Variants in FBXO28 observed in about 807,000 individuals in gnomAD.
FBXO28 encodes F-box only protein 28.
FBXO28 carries 8 observed loss-of-function variants against 38.1 expected under a neutral mutation model. The ratio of observed to expected loss-of-function variants is 0.21; its 90% CI spans 0.12 to 0.38. FBXO28 has a LOEUF of 0.38. Ranked by LOEUF, FBXO28 falls within the 10% of genes least tolerant of loss-of-function variation. The probability of loss-of-function intolerance (pLI) is 1.00; values close to 1 mark genes in which losing one functional copy is unlikely to be tolerated. For synonymous variants in FBXO28, 168 were observed against 173.8 expected (o/e 0.97, Z 0.26); for missense variants, 345 against 460.6 (o/e 0.75, Z 2.30).
intron 1 of FBXO28, among the ~76,000 whole-genome samples, chr1:224,123,091 G>C (rs1290064995): frequency 6.6e-6 from 1 of 151,960 alleles, no homozygotes; most frequent in African/African-American, 2.4e-5. Context: ...AAAAAAAAAG[G>C]ATAGGTTCTG....
chr1:224,160,448 T>A lies in FBXO28; in HGVS notation c.*2702T>A, dbSNP rs1454993439. On this transcript the variant is annotated 3_prime_UTR_variant, in exon 5 of 5. Transcript: ENST00000366862. ...ATAGAAATGTATTCTGGTACAGCGC[T>A]GCACACATGGATAGCAATGTGAAAA... The A allele has an allele frequency of 6.6e-6, 1 of 152,194 alleles. No homozygotes were observed. Among genetic ancestry groups the A allele is most frequent in the Non-Finnish European group, 1.5e-5 (1 of 68,042 alleles). The allele number at this position is 152,194 out of a possible 1,614,324, so 9.4% of individuals were successfully genotyped here.
At chr1:224,154,536 C>T (rs1040509088) in intron 4 of FBXO28, among the ~76,000 whole-genome samples, 7 of 151,912 alleles carry the variant, frequency 4.6e-5, no homozygotes, top group African/African-American at 9.7e-5. Context: ...TGGCCGGGCG[C>T]GGTGGCTCAT....
chr1:224,160,805 T>G lies in FBXO28; in HGVS notation c.*3059T>G, dbSNP rs1657889448. The G allele has an allele frequency of 6.6e-6, 1 of 152,188 alleles. No homozygotes were observed. Among genetic ancestry groups the G allele is most frequent in the South Asian group, 2.1e-4 (1 of 4,838 alleles). 9.4% of individuals were successfully genotyped at this position (152,188 alleles called of 1,614,324 possible). A position where few individuals can be genotyped will look rare whatever the true frequency, so the allele number is the denominator to read the frequency against. ...ATCTCTATTTAGTAGTTTCAAGATA[T>G]ATGCGCAATTATTCTACGTGTTAAA... On this transcript the variant is annotated 3_prime_UTR_variant, in exon 5 of 5. Coordinates refer to ENST00000366862, the MANE Select transcript of FBXO28 (RefSeq NM_015176.4).
intron 4 of FBXO28, among the ~76,000 whole-genome samples, chr1:224,157,001 C>CAA (rs60316057): frequency 0.86 from 118,349 of 137,114 alleles, 53,062 homozygotes; most frequent in East Asian, 0.99. Flanking sequence ...GACTCTGTCT[C>CAA]AAAAAAAAAA....
At chr1:224,141,187 A>G (rs1657338945) in intron 3 of FBXO28, among the ~76,000 whole-genome samples, 1 of 151,562 alleles carries the variant, frequency 6.6e-6, no homozygotes, top group Admixed American at 6.6e-5. Context: ...AAAAAGATAC[A>G]ATCGGCCGGG....
chr1:224,147,162 C>T (rs1393400301), intron 3 of FBXO28, among the ~76,000 whole-genome samples: 2 of 151,754 alleles, frequency 1.3e-5, no homozygotes, highest in Admixed American at 6.6e-5. Flanking sequence ...CGGTGGCTCA[C>T]GCCTATAATC....
chr1:224,157,332 T>C lies in FBXO28; in HGVS notation c.713-20T>C, dbSNP rs1168946385. ...AGAGACATTTTAAGTGACTGACCCT[T>C]TTGAATTATTCCTCCACAGTTCCAG... is the stretch of plus-strand genomic sequence containing the variant. On this transcript the variant is annotated intron_variant, in intron 4 of 4. Transcript: ENST00000366862. 2 of 1,566,448 alleles carry C rather than the reference T, an allele frequency of 1.3e-6. No individual in the cohort carries two copies. Among genetic ancestry groups the C allele is most frequent in the Admixed American group, 3.9e-5 (2 of 50,830 alleles).
rs71168313 is a variant in FBXO28 at position 224,135,611 on chromosome 1, CA to C, written c.516+1423del. Among the ~76,000 whole-genome samples the C allele has an allele frequency of 5.4e-3, 598 of 110,732 alleles. 2 individuals carry two copies. The highest frequency in any genetic ancestry group is 0.021 in the African/African-American group (552 of 26,198). 72.6% of individuals were successfully genotyped at this position (110,732 alleles called of 152,430 possible). On this transcript the variant is annotated intron_variant, in intron 3 of 4. Coordinates refer to ENST00000366862, the MANE Select transcript of FBXO28 (RefSeq NM_015176.4). ...TGGGCAACAGAGCAAGACTCTGTCT[CA>C]AAAAAAAAAAAAAAAAAAAAAAAGA... is the stretch of plus-strand genomic sequence containing the variant.
In FBXO28 at chr1:224,160,723, C is replaced by G. The variant is rs1657887162; in HGVS notation, c.*2977C>G. 2 of 152,198 alleles carry G rather than the reference C, an allele frequency of 1.3e-5. No homozygotes were observed. The highest frequency in any genetic ancestry group is 3.8e-4 in the East Asian group (2 of 5,200). 9.4% of individuals were successfully genotyped at this position (152,198 alleles called of 1,614,324 possible). On this transcript the variant is annotated 3_prime_UTR_variant, in exon 5 of 5. Coordinates refer to ENST00000366862, the MANE Select transcript of FBXO28 (RefSeq NM_015176.4). ...GGTCAAAAGCCACTGATTTGGGAAG[C>G]AATTTTTTTGCAAAACACTTTTTTT...
chr1:224,134,517 A>G (rs1657130376), intron 3 of FBXO28, among the ~76,000 whole-genome samples: 1 of 152,216 alleles, frequency 6.6e-6, no homozygotes, highest in Non-Finnish European at 1.5e-5. Context: ...AGCAATGAAC[A>G]ACATACATAT....
intron 3 of FBXO28, among the ~76,000 whole-genome samples, chr1:224,145,208 C>T (rs1031493797): frequency 6.5e-5 from 9 of 138,592 alleles, no homozygotes; most frequent in African/African-American, 2.2e-4. Flanking sequence ...GCAGGAGAAT[C>T]GCTTGAACCA....
chr1:224,128,983 C>CAA (rs11309343), intron 1 of FBXO28, among the ~76,000 whole-genome samples: 6,484 of 97,704 alleles, frequency 0.066, 463 homozygotes, highest in East Asian at 0.28. Context: ...AAGACCCTGT[C>CAA]AAAAAAAAAA....
chr1:224,117,151 TAAA>T (rs1436103794), intron 1 of FBXO28, among the ~76,000 whole-genome samples: 2 of 143,932 alleles, frequency 1.4e-5, no homozygotes, highest in African/African-American at 2.6e-5. Flanking sequence ...AAAATAAAAA[TAAA>T]AATAAATTGG....
At chr1:224,145,750 C>T (rs1402998829) in intron 3 of FBXO28, among the ~76,000 whole-genome samples, 1 of 152,090 alleles carries the variant, frequency 6.6e-6, no homozygotes, top group East Asian at 1.9e-4. Context: ...TGGTGAAACT[C>T]CACCTCTACT....
chr1:224,146,905 A>G (rs1657521959), intron 3 of FBXO28, among the ~76,000 whole-genome samples: 1 of 150,514 alleles, frequency 6.6e-6, no homozygotes, highest in Non-Finnish European at 1.5e-5. Context: ...ACAGGGTTTC[A>G]CCATATTGGC....
At chr1:224,147,362 G>A (rs1477717747) in intron 3 of FBXO28, among the ~76,000 whole-genome samples, 1 of 150,354 alleles carries the variant, frequency 6.7e-6, no homozygotes, top group Non-Finnish European at 1.5e-5. Flanking sequence ...GGCAGAGGTT[G>A]CAGTGAGCCG....
intron 3 of FBXO28, among the ~76,000 whole-genome samples, chr1:224,141,396 G>A (rs1011793180): frequency 4.0e-5 from 6 of 151,604 alleles, no homozygotes; most frequent in Admixed American, 2.0e-4. Flanking sequence ...GTGTGAACCC[G>A]GGAGGCGGAG....
chr1:224,135,626 A>G (rs867846973), intron 3 of FBXO28, among the ~76,000 whole-genome samples: 1 of 102,254 alleles, frequency 9.8e-6, no homozygotes, highest in East Asian at 2.9e-4. Context: ...AAAAAAAAAA[A>G]AAAAAAAAAG....
chr1:224,128,630 G>T (rs1316349018), intron 1 of FBXO28, among the ~76,000 whole-genome samples: 1 of 152,076 alleles, frequency 6.6e-6, no homozygotes, highest in African/African-American at 2.4e-5. Context: ...GGACAAGAAT[G>T]CATATAAGTT....
Sources: gnomAD v4.1 joint callset for allele counts (sites outside exome capture counted in the v4.1 genomes callset) on GRCh38, gnomAD v4.1.1 for gene constraint, MANE v1.5 for transcripts, NCBI Gene and HGNC (gene_info 2026-07-23, HGNC 2026-07-21) for gene names.